ADAMTSL1: variants seen among roughly 807,000 people sequenced by gnomAD.
The protein encoded by ADAMTSL1 is ADAMTS like 1, also known as ADAMTS-like protein 1.
Under a neutral mutation model 201.8 loss-of-function variants are expected in ADAMTSL1, and 126 were observed. That is an observed-to-expected ratio of 0.62 (90% CI 0.54 to 0.72). The LOEUF (loss-of-function observed/expected upper bound fraction) is 0.72. Ranked by LOEUF, ADAMTSL1 falls within the 30% of genes least tolerant of loss-of-function variation. ADAMTSL1 has a pLI of 0.00. For missense variants in ADAMTSL1, 2,679 were observed against 2,277.8 expected, an observed-to-expected ratio of 1.18 and a Z score of -3.59; for synonymous variants, 1,121 against 903.4, an observed-to-expected ratio of 1.24 and a Z score of -4.32.
At chr9:18,283,004 T>A (rs1466630688) in intron 2 of ADAMTSL1, among the ~76,000 whole-genome samples, 1 of 152,260 alleles carries the variant, frequency 6.6e-6, no homozygotes, top group Non-Finnish European at 1.5e-5. Flanking sequence ...GTACCTTTTC[T>A]GAATTTTTGT....
At chr9:18,212,204 T>C (rs570160087) in intron 2 of ADAMTSL1, among the ~76,000 whole-genome samples, 11 of 152,302 alleles carry the variant, frequency 7.2e-5, no homozygotes, top group African/African-American at 2.6e-4. Context: ...GACTTACTCC[T>C]GGTCCCCTTG....
At chr9:18,697,143 A>G (rs183383199) in intron 13 of ADAMTSL1, among the ~76,000 whole-genome samples, 3 of 152,020 alleles carry the variant, frequency 2.0e-5, no homozygotes, top group South Asian at 2.1e-4. Context: ...CAGCCCCCCC[A>G]AGTGCTGGGA....
intron 2 of ADAMTSL1, among the ~76,000 whole-genome samples, chr9:18,274,010 A>G (rs1267072562): frequency 6.6e-6 from 1 of 152,226 alleles, no homozygotes; most frequent in Non-Finnish European, 1.5e-5. Context: ...ACAAATCATA[A>G]TTTAAATGAC....
rs564796462 is a variant in ADAMTSL1, at chr9:18,654,841, C to G, written c.835-2798C>G. On this transcript the variant is annotated intron_variant, in intron 7 of 28. Transcript: ENST00000380548. ...GCATACTGATGTATGTTCACTGTTT[C>G]CAAGCTTTCCAAAGTCATGACATCC... Among the ~76,000 whole-genome samples the G allele has an allele frequency of 4.1e-4, 62 of 152,320 alleles. 1 individual carries two copies. The South Asian group carries it at 5.8e-3, about 14-fold the overall frequency.
At chr9:18,726,319 A>G (rs1289231819) in intron 15 of ADAMTSL1, among the ~76,000 whole-genome samples, 1 of 152,136 alleles carries the variant, frequency 6.6e-6, no homozygotes, top group African/African-American at 2.4e-5. Flanking sequence ...CCTGGACAAC[A>G]TGGCAAAACC....
At chr9:18,797,258 G>A (rs2289003) in intron 20 of ADAMTSL1, among the ~76,000 whole-genome samples, 83,963 of 152,096 alleles carry the variant, frequency 0.55, 24,803 homozygotes, top group African/African-American at 0.79. Context: ...CTGCTGGAAA[G>A]TCTATCAAGC....
chr9:18,857,834 C>A (rs13283919), intron 23 of ADAMTSL1, among the ~76,000 whole-genome samples: 2 of 152,080 alleles, frequency 1.3e-5, no homozygotes, highest in Admixed American at 1.3e-4. Flanking sequence ...AAAACATTCC[C>A]CAGATGCAGC....
chr9:18,553,016 TA>T (rs1408022682), intron 3 of ADAMTSL1, among the ~76,000 whole-genome samples: 1 of 151,536 alleles, frequency 6.6e-6, no homozygotes, highest in Non-Finnish European at 1.5e-5. Context: ...TCTCTATCTT[TA>T]AATTTATGGA....
intron 1 of ADAMTSL1, among the ~76,000 whole-genome samples, chr9:17,969,868 T>G (rs1407669429): frequency 6.6e-6 from 1 of 152,120 alleles, no homozygotes; most frequent in Non-Finnish European, 1.5e-5. Context: ...AAACTTGTTT[T>G]GGTGTTAAGA....
chr9:17,994,019 G>T (rs1223203591), intron 1 of ADAMTSL1, among the ~76,000 whole-genome samples: 1 of 150,786 alleles, frequency 6.6e-6, no homozygotes, highest in Non-Finnish European at 1.5e-5. Context: ...GATTTTTTTT[G>T]CCCCTCAGTA....
At chr9:18,830,769 G>T (rs1231663517) in intron 23 of ADAMTSL1, among the ~76,000 whole-genome samples, 4 of 152,168 alleles carry the variant, frequency 2.6e-5, no homozygotes, top group African/African-American at 7.2e-5. Context: ...TGCAGGGACA[G>T]GGAATATATG....
intron 15 of ADAMTSL1, among the ~76,000 whole-genome samples, chr9:18,741,976 C>T (rs1239566744): frequency 2.6e-5 from 4 of 152,194 alleles, no homozygotes; most frequent in African/African-American, 9.6e-5. Context: ...CTGCCATTTA[C>T]ATTCTACAAT....
At chr9:18,309,748 G>A (rs1357069435) in intron 2 of ADAMTSL1, among the ~76,000 whole-genome samples, 2 of 151,618 alleles carry the variant, frequency 1.3e-5, no homozygotes, top group African/African-American at 2.4e-5. Flanking sequence ...CATGAAAATG[G>A]CCATACTGCC....
chr9:18,660,929 C>T (rs1337534602), intron 8 of ADAMTSL1, among the ~76,000 whole-genome samples: 1 of 152,014 alleles, frequency 6.6e-6, no homozygotes, highest in African/African-American at 2.4e-5. Flanking sequence ...TTTGCAAGTC[C>T]CTTAATGATT....
chr9:18,258,981 G>A (rs760432646), intron 2 of ADAMTSL1, among the ~76,000 whole-genome samples: 2 of 152,120 alleles, frequency 1.3e-5, no homozygotes, highest in Non-Finnish European at 2.9e-5. Flanking sequence ...ATCATTCAAC[G>A]CACTTGACGA....
intron 15 of ADAMTSL1, among the ~76,000 whole-genome samples, chr9:18,731,721 A>G (rs1256038677): frequency 6.6e-6 from 1 of 152,158 alleles, no homozygotes; most frequent in Non-Finnish European, 1.5e-5. Flanking sequence ...GAAGTTTCCA[A>G]TCATAGTGGA....
At position 18,647,706 on chromosome 9, in the gene ADAMTSL1, A is replaced by T. The variant is rs1029156725; in HGVS notation, c.834+8295A>T. Among the ~76,000 whole-genome samples, 108 of 150,982 alleles carry T rather than the reference A, an allele frequency of 7.2e-4. 1 individual carries two copies. Among genetic ancestry groups the T allele is most frequent in the African/African-American group, 2.6e-3 (105 of 41,136 alleles). ...ATGTAGTTGAGTGGTTTTGAGTGAG[A>T]TTCTTAATCCTGAGTTCTAGTTTGA... On this transcript the variant is annotated intron_variant, in intron 7 of 28. Transcript: ENST00000380548.
intron 1 of ADAMTSL1, among the ~76,000 whole-genome samples, chr9:18,493,490 G>T (rs1347345988): frequency 2.0e-5 from 3 of 152,150 alleles, no homozygotes. Flanking sequence ...CCCAAGTGCT[G>T]CAGAGGGATG....
chr9:18,158,856 T>A (rs1827266988), intron 1 of ADAMTSL1, among the ~76,000 whole-genome samples: 1 of 151,954 alleles, frequency 6.6e-6, no homozygotes. Flanking sequence ...GTTTTCATGA[T>A]TAGGTAGTAA....
Sources: gnomAD v4.1 joint callset for allele counts (sites outside exome capture counted in the v4.1 genomes callset) on GRCh38, gnomAD v4.1.1 for gene constraint, MANE v1.5 for transcripts, NCBI Gene and HGNC (gene_info 2026-07-23, HGNC 2026-07-21) for gene names.